CACNG2: variants seen among roughly 807,000 people sequenced by gnomAD.
CACNG2 encodes voltage-dependent calcium channel gamma-2 subunit.
CACNG2 carries 3 observed loss-of-function variants against 25.9 expected under a neutral mutation model. That is an observed-to-expected ratio of 0.12 (90% confidence interval 0.05 to 0.30). The LOEUF (loss-of-function observed/expected upper bound fraction) is 0.30. Among genes scored for constraint, CACNG2 ranks in the 10% least tolerant of loss-of-function variants. The probability of loss-of-function intolerance (pLI) is 1.00; values close to 1 mark genes in which losing one functional copy is unlikely to be tolerated. For synonymous variants in CACNG2, 167 were observed against 173.3 expected (o/e 0.96, Z 0.29); for missense variants, 341 against 432.5 (o/e 0.79, Z 1.88).
At chr22:36,653,320 G>C (rs997191372) in intron 1 of CACNG2, among the ~76,000 whole-genome samples, 2 of 152,136 alleles carry the variant, frequency 1.3e-5, no homozygotes, top group Non-Finnish European at 2.9e-5. Flanking sequence ...GTGAAGCTCA[G>C]TCTCAAAAAA....
intron 1 of CACNG2, among the ~76,000 whole-genome samples, chr22:36,666,478 A>G (rs78227375): frequency 0.02 from 3,059 of 152,236 alleles, 56 homozygotes; most frequent in Non-Finnish European, 0.031. Flanking sequence ...AGTGACAATC[A>G]TAGAGACAGA....
rs140182498 is a variant in CACNG2 at position 36,622,696 on chromosome 22, C to T, written c.212-35148G>A. The stretch of plus-strand genomic sequence containing the variant: ...GACAAGGGCTGGGCGCGGTGGCTCA[C>T]GCCTGTAATCCCAGCACTTTGGAAG... On this transcript the variant is annotated intron_variant, in intron 1 of 3. Coordinates refer to ENST00000300105, the MANE Select transcript of CACNG2 (RefSeq NM_006078.5). Among the ~76,000 whole-genome samples, 41 of 152,270 alleles carry T rather than the reference C, an allele frequency of 2.7e-4. No individual in the cohort carries two copies. In the East Asian group the frequency reaches 7.6e-3, roughly 28 times the overall value.
intron 1 of CACNG2, among the ~76,000 whole-genome samples, chr22:36,643,187 C>A (rs1005207014): frequency 7.0e-6 from 1 of 142,692 alleles, no homozygotes; most frequent in African/African-American, 2.6e-5. Context: ...CTTTCCTTCC[C>A]TCTCCTTTCT....
chr22:36,696,301 C>G (rs1349047046), intron 1 of CACNG2, among the ~76,000 whole-genome samples: 1 of 152,186 alleles, frequency 6.6e-6, no homozygotes, highest in Non-Finnish European at 1.5e-5. Flanking sequence ...CGTTCAGTCT[C>G]TCTTCCTCTC....
intron 1 of CACNG2, among the ~76,000 whole-genome samples, chr22:36,676,932 T>TTGTGTGTG (rs138729815): frequency 0.023 from 3,237 of 141,672 alleles, 63 homozygotes; most frequent in East Asian, 0.09. Context: ...TCTTCTAATA[T>TTGTGTGTG]TGTGTGTGTG....
chr22:36,656,477 T>C (rs1936706886), intron 1 of CACNG2, among the ~76,000 whole-genome samples: 1 of 152,182 alleles, frequency 6.6e-6, no homozygotes, highest in Admixed American at 6.5e-5. Context: ...CCGCCTTCAC[T>C]ACCCCTAATT....
chr22:36,687,094 T>C, intron 1 of CACNG2, among the ~76,000 whole-genome samples: 1 of 152,176 alleles, frequency 6.6e-6, no homozygotes, highest in African/African-American at 2.4e-5. Flanking sequence ...TCCACCTTGA[T>C]CCATGGGATG....
chr22:36,563,370 G>GC lies in CACNG2; in HGVS notation c.*980_*981insG, dbSNP rs1239465114. Among the ~76,000 whole-genome samples the GC allele has an allele frequency of 9.3e-5, 4 of 43,068 alleles. No homozygotes were observed. Among genetic ancestry groups the GC allele is most frequent in the Non-Finnish European group, 2.7e-4 (4 of 14,646 alleles). 28.3% of individuals were successfully genotyped at this position (43,068 alleles called of 152,430 possible). Reference sequence around the variant, plus strand: ...GGAGAGCTGTTTCATGTCCCCCGGGGGGGGGGGTGGCATCTCCTGACCCCA... The same window carrying GC: ...GGAGAGCTGTTTCATGTCCCCCGGGGCGGGGGGGTGGCATCTCCTGACCCCA... On this transcript the variant is annotated 3_prime_UTR_variant, in exon 4 of 4. Transcript: ENST00000300105.
intron 1 of CACNG2, among the ~76,000 whole-genome samples, chr22:36,591,137 C>T (rs979081796): frequency 5.9e-5 from 9 of 151,870 alleles, no homozygotes; most frequent in Admixed American, 1.3e-4. Context: ...CCCGGGTTCA[C>T]GCCATTCTCC....
intron 3 of CACNG2, among the ~76,000 whole-genome samples, chr22:36,565,448 GA>G (rs2145904389): frequency 6.6e-6 from 1 of 151,918 alleles, no homozygotes; most frequent in African/African-American, 2.4e-5. Flanking sequence ...TTAAATGGGT[GA>G]ATACATGTGA....
chr22:36,628,044 G>C (rs772328527), intron 1 of CACNG2, among the ~76,000 whole-genome samples: 25 of 151,978 alleles, frequency 1.6e-4, no homozygotes, highest in Non-Finnish European at 3.1e-4. Flanking sequence ...CAGAAAAAAG[G>C]CAAATAACTT....
chr22:36,595,427 C>A (rs1935664816), intron 1 of CACNG2, among the ~76,000 whole-genome samples: 1 of 152,202 alleles, frequency 6.6e-6, no homozygotes, highest in Admixed American at 6.5e-5. Context: ...GAACCCACGG[C>A]AAATGCTACA....
intron 1 of CACNG2, among the ~76,000 whole-genome samples, chr22:36,663,849 C>A (rs1455964513): frequency 6.6e-6 from 1 of 152,188 alleles, no homozygotes; most frequent in African/African-American, 2.4e-5. Flanking sequence ...AGGACACAGG[C>A]CTCGATCACA....
At chr22:36,574,804 A>G (rs1935287423) in intron 2 of CACNG2, among the ~76,000 whole-genome samples, 1 of 151,668 alleles carries the variant, frequency 6.6e-6, no homozygotes, top group South Asian at 2.1e-4. Flanking sequence ...ACAAAACCAA[A>G]ACAAAACAAA....
At chr22:36,679,173 C>T (rs1339097997) in intron 1 of CACNG2, among the ~76,000 whole-genome samples, 1 of 123,630 alleles carries the variant, frequency 8.1e-6, no homozygotes. Flanking sequence ...TTCCTTCCTT[C>T]CTTCCTTCCT....
intron 2 of CACNG2, among the ~76,000 whole-genome samples, chr22:36,583,443 G>A (rs5995314): frequency 0.63 from 92,953 of 146,498 alleles, 29,344 homozygotes; most frequent in Middle Eastern, 0.71. Flanking sequence ...AAAAAAAAAA[G>A]AAAAAAAAAA....
chr22:36,644,938 G>A (rs1235470289), intron 1 of CACNG2, among the ~76,000 whole-genome samples: 3 of 152,136 alleles, frequency 2.0e-5, no homozygotes, highest in Non-Finnish European at 4.4e-5. Flanking sequence ...AGTCCCATTG[G>A]ATGCTGTGAT....
intron 2 of CACNG2, among the ~76,000 whole-genome samples, chr22:36,583,070 C>G (rs577406286): frequency 9.9e-5 from 15 of 152,002 alleles, no homozygotes; most frequent in Non-Finnish European, 2.2e-4. Context: ...CTGCAGAGGT[C>G]TTGGGTTTAG....
At chr22:36,656,774 G>A (rs1406871515) in intron 1 of CACNG2, among the ~76,000 whole-genome samples, 2 of 152,174 alleles carry the variant, frequency 1.3e-5, no homozygotes, top group East Asian at 3.9e-4. Flanking sequence ...CATGAGCATG[G>A]CTCTTTCCTT....
Sources: gnomAD v4.1 joint callset for allele counts (sites outside exome capture counted in the v4.1 genomes callset) on GRCh38, gnomAD v4.1.1 for gene constraint, MANE v1.5 for transcripts, NCBI Gene and HGNC (gene_info 2026-07-23, HGNC 2026-07-21) for gene names.